Variants in ATP5F1C observed in about 807,000 individuals in gnomAD.
ATP5F1C encodes ATP synthase F(1) complex subunit gamma, mitochondrial.
ATP5F1C carries 22 observed loss-of-function variants against 37.4 expected under a neutral mutation model. The ratio of observed to expected loss-of-function variants is 0.59; its 90% CI spans 0.42 to 0.84. The LOEUF (loss-of-function observed/expected upper bound fraction) is 0.84, where lower values mean the gene tolerates loss of function less well. ATP5F1C is among the 40% of genes least tolerant of loss of function. The pLI is 0.00. For synonymous variants in ATP5F1C, 121 were observed against 128.0 expected, an observed-to-expected ratio of 0.95 and a Z score of 0.37; for missense variants, 286 against 362.4, an observed-to-expected ratio of 0.79 and a Z score of 1.71.
chr10:7,791,435 A>G (rs61833186), intron 1 of ATP5F1C, among the ~76,000 whole-genome samples: 11,973 of 152,244 alleles, frequency 0.079, 593 homozygotes, highest in Non-Finnish European at 0.11. Context: ...ATTTTCGTTG[A>G]GAATTAGCCA....
At chr10:7,798,245 GTTTTT>G (rs34715703) in intron 3 of ATP5F1C, among the ~76,000 whole-genome samples, 1 of 149,852 alleles carries the variant, frequency 6.7e-6, no homozygotes, top group Non-Finnish European at 1.5e-5. Context: ...TTCTTTTTGT[GTTTTT>G]TTTTGAGATG....
intron 6 of ATP5F1C, among the ~76,000 whole-genome samples, chr10:7,801,883 A>T (rs1333619050): frequency 6.6e-6 from 1 of 152,136 alleles, no homozygotes; most frequent in Non-Finnish European, 1.5e-5. Flanking sequence ...TATTACACTA[A>T]ATTCGTTTCA....
chr10:7,794,499 T>C (rs1836207425), intron 1 of ATP5F1C, among the ~76,000 whole-genome samples: 1 of 37,922 alleles, frequency 2.6e-5, no homozygotes. Flanking sequence ...TTTTGTGTGT[T>C]GTTTTTTTTT....
chr10:7,795,995 C>T (rs987654919), intron 1 of ATP5F1C, 126 bp from the exon 2 acceptor site: 3 of 699,454 alleles, frequency 4.3e-6, no homozygotes, highest in Non-Finnish European at 7.1e-6. Flanking sequence ...ATTCTGAGTC[C>T]TGTATTTGAT....
intron 8 of ATP5F1C, chr10:7,804,192 A>T: frequency 1.9e-6 from 1 of 519,078 alleles, no homozygotes; most frequent in South Asian, 1.4e-5. Context: ...CACAGAGTGC[A>T]GAATACTTGC....
chr10:7,805,959 G>A (rs564875146), intron 8 of ATP5F1C, among the ~76,000 whole-genome samples: 1 of 152,228 alleles, frequency 6.6e-6, no homozygotes, highest in East Asian at 1.9e-4. Flanking sequence ...GGTGGCATGT[G>A]CCTGTTGTCC....
In ATP5F1C at chr10:7,799,009, T is replaced by C; in HGVS notation, c.243T>C (p.Asp81=). The part of the protein sequence containing the change: ...LGSLALYEKA[D]IKGPEDKKKH... ...TTTAAGCTCTGTATGAAAAAGCTGA[T>C]ATCAAGGGGCCTGAAGACAAGAAGA... Residue 81 remains aspartate, a synonymous_variant, in exon 4 of 10, where the codon GAT becomes GAC. Coordinates refer to ENST00000356708, the MANE Select transcript of ATP5F1C (RefSeq NM_001001973.3). The C allele has an allele frequency of 1.2e-6, 2 of 1,612,172 alleles. No individual in the cohort carries two copies. Among genetic ancestry groups the C allele is most frequent in the Non-Finnish European group, 1.7e-6 (2 of 1,179,842 alleles).
intron 1 of ATP5F1C, among the ~76,000 whole-genome samples, chr10:7,793,369 C>T (rs530702433): frequency 1.3e-5 from 2 of 152,382 alleles, no homozygotes; most frequent in South Asian, 2.1e-4. Context: ...GCCTCGGCCT[C>T]CCAAAGTGCT....
At chr10:7,800,952 G>A (rs575103359) in intron 6 of ATP5F1C, among the ~76,000 whole-genome samples, 14 of 152,226 alleles carry the variant, frequency 9.2e-5, no homozygotes, top group East Asian at 5.8e-4. Flanking sequence ...ATTGAAGAGC[G>A]TAGCTAGAAA....
At chr10:7,802,647 A>C in intron 7 of ATP5F1C, 111 bp from the exon 8 acceptor site, 4 of 1,246,054 alleles carry the variant, frequency 3.2e-6, no homozygotes, top group Non-Finnish European at 4.4e-6. Context: ...TGAGAGGCCA[A>C]TTTTGGTATC....
chr10:7,802,116 A>G, intron 6 of ATP5F1C, 154 bp from the exon 7 acceptor site: 1 of 758,000 alleles, frequency 1.3e-6, no homozygotes, highest in East Asian at 2.8e-5. Context: ...TGTAGTGTGG[A>G]AATAGATGAC....
rs757368412 is a variant in ATP5F1C, at chr10:7,807,646, CT to C, written c.*31-10del. On this transcript the variant is annotated splice_polypyrimidine_tract_variant and intron_variant, in intron 9 of 9. Coordinates refer to ENST00000356708, the MANE Select transcript of ATP5F1C (RefSeq NM_001001973.3). ...TGTTTGATTTCTTACTTGTTCTGTA[CT>C]TTGTTTTTCAGGTAAAGAAGGAAAA... is the stretch of plus-strand genomic sequence containing the variant. 1.2e-6 allele frequency: 2 copies of C among 1,606,522 alleles called. No individual in the cohort carries two copies. Among genetic ancestry groups the C allele is most frequent in the Non-Finnish European group, 1.7e-6 (2 of 1,176,132 alleles).
chr10:7,806,483 C>T (rs1328185535), intron 8 of ATP5F1C, among the ~76,000 whole-genome samples: 3 of 152,014 alleles, frequency 2.0e-5, no homozygotes, highest in Non-Finnish European at 2.9e-5. Context: ...GGCAAAACCC[C>T]GTCTCTACTA....
chr10:7,788,248 C>G lies in ATP5F1C; in HGVS notation c.41C>G (p.Thr14Ser). The stretch of plus-strand genomic sequence containing the variant: ...GGTGTCGCTGGGCTGTCGGCCTGGA[C>G]CTTGCAGCCGCAATGGTATGGCAGC... ...RAGVAGLSAW[T>S]LQPQWIQVRN... Residue 14 changes from threonine to serine, a missense_variant, in exon 1 of 10, where the codon ACC becomes AGC. Coordinates refer to ENST00000356708, the MANE Select transcript of ATP5F1C (RefSeq NM_001001973.3). 6.2e-7 allele frequency: 1 copy of G among 1,613,578 alleles called. No homozygotes were observed. The highest frequency in any genetic ancestry group is 8.5e-7 in the Non-Finnish European group (1 of 1,179,906).
chr10:7,791,106 A>G (rs1294119830), intron 1 of ATP5F1C, among the ~76,000 whole-genome samples: 2 of 152,060 alleles, frequency 1.3e-5, no homozygotes, highest in Admixed American at 1.3e-4. Context: ...TCAAGACCAT[A>G]CTGGCCAACA....
chr10:7,795,371 A>T (rs1836221034), intron 1 of ATP5F1C, among the ~76,000 whole-genome samples: 1 of 152,200 alleles, frequency 6.6e-6, no homozygotes, highest in Non-Finnish European at 1.5e-5. Context: ...AGGCAGAAAG[A>T]TCATCTAATA....
chr10:7,789,685 T>C (rs539692811), intron 1 of ATP5F1C, among the ~76,000 whole-genome samples: 174 of 152,356 alleles, frequency 1.1e-3, no homozygotes, highest in African/African-American at 3.9e-3. Flanking sequence ...ACATCAGCTC[T>C]CCTGGCCTTA....
chr10:7,790,152 A>C (rs2131052267), intron 1 of ATP5F1C, among the ~76,000 whole-genome samples: 1 of 152,344 alleles, frequency 6.6e-6, no homozygotes, highest in African/African-American at 2.4e-5. Flanking sequence ...ACCACTCCAC[A>C]GAATTAATTT....
intron 4 of ATP5F1C, 200 bp from the exon 5 acceptor site, chr10:7,799,572 C>T: frequency 1.7e-6 from 1 of 605,816 alleles, no homozygotes; most frequent in Non-Finnish European, 2.8e-6. Context: ...ATAAAACAGA[C>T]CTCATTTTTA....
Sources: gnomAD v4.1 joint callset for allele counts (sites outside exome capture counted in the v4.1 genomes callset) on GRCh38, gnomAD v4.1.1 for gene constraint, MANE v1.5 for transcripts, NCBI Gene and HGNC (gene_info 2026-07-23, HGNC 2026-07-21) for gene names.